CNTN6: variants seen among roughly 807,000 people sequenced by gnomAD.
CNTN6 encodes contactin-6.
Under a neutral mutation model 122.8 loss-of-function variants are expected in CNTN6, and 137 were observed. That is an observed-to-expected ratio of 1.12 (90% CI 0.97 to 1.29). The LOEUF (loss-of-function observed/expected upper bound fraction) is 1.29, where lower values mean the gene tolerates loss of function less well. Ranked by LOEUF, CNTN6 falls within the 50% of genes most tolerant of loss-of-function variation. The probability of loss-of-function intolerance (pLI) is 0.00; values close to 1 mark genes in which losing one functional copy is unlikely to be tolerated. For missense variants in CNTN6, 1,634 were observed against 1,223.4 expected, an observed-to-expected ratio of 1.34 and a Z score of -5.01; for synonymous variants, 570 against 426.0, an observed-to-expected ratio of 1.34 and a Z score of -4.16.
chr3:1,278,475 G>C lies in CNTN6; in HGVS notation c.421G>C (p.Val141Leu). ...TVSVREGQGVVLLCGPPPHFG... is the reference protein window; with the variant it reads ...TVSVREGQGVLLLCGPPPHFG... ...ATCTGTCCGAGAAGGTCAAGGTGTG[G>C]TGCTTCTCTGTGGCCCACCGCCACA... The change falls in exon 5 of 23, where the codon GTG becomes CTG. Residue 141 changes from valine (V) to leucine (L), a missense_variant. Coordinates refer to ENST00000446702, the MANE Select transcript of CNTN6 (RefSeq NM_001289080.2). The C allele has an allele frequency of 2.5e-6, 4 of 1,612,560 alleles. No homozygotes were observed. Among genetic ancestry groups the C allele is most frequent in the Non-Finnish European group, 3.4e-6 (4 of 1,178,906 alleles).
At chr3:1,221,339 A>G (rs201933100) in intron 3 of CNTN6, among the ~76,000 whole-genome samples, 2 of 152,232 alleles carry the variant, frequency 1.3e-5, no homozygotes, top group Non-Finnish European at 2.9e-5. Context: ...CCCTGCCTCA[A>G]TGCGGAACTG....
intron 2 of CNTN6, among the ~76,000 whole-genome samples, chr3:1,149,050 T>G (rs1394826642): frequency 6.6e-6 from 1 of 152,180 alleles, no homozygotes; most frequent in Non-Finnish European, 1.5e-5. Flanking sequence ...AAGTTCAGCT[T>G]TAATAGATGT....
chr3:1,186,193 A>G (rs1017221724), intron 2 of CNTN6, among the ~76,000 whole-genome samples: 18 of 152,342 alleles, frequency 1.2e-4, no homozygotes, highest in African/African-American at 3.6e-4. Flanking sequence ...AAGTCATTTT[A>G]AGAAGTATTC....
chr3:1,399,444 A>G (rs1160004354), intron 20 of CNTN6, among the ~76,000 whole-genome samples: 1 of 151,908 alleles, frequency 6.6e-6, no homozygotes, highest in East Asian at 1.9e-4. Flanking sequence ...AAAGTAATGG[A>G]TGCTTAGTAA....
At position 1,121,832 on chromosome 3, in the gene CNTN6, C is replaced by G. The variant is rs9878575; in HGVS notation, c.-82-26095C>G. 4.6e-3 allele frequency among the ~76,000 whole-genome samples: 693 copies of G among 151,988 alleles called. 5 individuals carry two copies. The highest frequency in any genetic ancestry group is 0.015 in the African/African-American group (638 of 41,502). On this transcript the variant is annotated intron_variant, in intron 1 of 22. Coordinates refer to ENST00000446702, the MANE Select transcript of CNTN6 (RefSeq NM_001289080.2). ...CACACATTTTTGCTTAGAGCTGACT[C>G]CAAACATGAGAAAACACATGTGTAT...
intron 12 of CNTN6, among the ~76,000 whole-genome samples, chr3:1,366,421 C>T (rs980597257): frequency 5.3e-5 from 8 of 152,076 alleles, no homozygotes; most frequent in African/African-American, 1.9e-4. Flanking sequence ...GTAACTGCAG[C>T]TACTCTACTG....
intron 1 of CNTN6, among the ~76,000 whole-genome samples, chr3:1,142,968 G>GTGTGTGTATATATATA (rs1217250181): frequency 3.1e-5 from 4 of 128,652 alleles, no homozygotes; most frequent in African/African-American, 1.2e-4. Context: ...GTGTGTGTGT[G>GTGTGTGTATATATATA]TATATATATA....
chr3:1,294,617 T>A (rs1695891048), intron 5 of CNTN6, among the ~76,000 whole-genome samples: 1 of 152,210 alleles, frequency 6.6e-6, no homozygotes, highest in Non-Finnish European at 1.5e-5. Flanking sequence ...AGAGATGGAC[T>A]GATTGATGTT....
intron 3 of CNTN6, among the ~76,000 whole-genome samples, chr3:1,224,036 A>C (rs1280023321): frequency 6.6e-6 from 1 of 152,228 alleles, no homozygotes; most frequent in Non-Finnish European, 1.5e-5. Flanking sequence ...TTCTTTCCAC[A>C]GGGGTCACAG....
At chr3:1,106,109 A>G (rs1332088237) in intron 1 of CNTN6, among the ~76,000 whole-genome samples, 2 of 152,166 alleles carry the variant, frequency 1.3e-5, no homozygotes, top group Non-Finnish European at 2.9e-5. Context: ...GGAATTTGGT[A>G]TGTTAGGAAA....
chr3:1,181,896 CT>C, intron 2 of CNTN6, among the ~76,000 whole-genome samples: 1 of 152,096 alleles, frequency 6.6e-6, no homozygotes, highest in East Asian at 1.9e-4. Context: ...CACATTGTTT[CT>C]TTCCATACAC....
chr3:1,381,677 G>C (rs1484421708), intron 17 of CNTN6, among the ~76,000 whole-genome samples: 3 of 152,068 alleles, frequency 2.0e-5, no homozygotes, highest in Non-Finnish European at 1.5e-5. Context: ...TTTTCTACCT[G>C]GCTGCCAGCT....
At chr3:1,158,251 T>G (rs2093022112) in intron 2 of CNTN6, among the ~76,000 whole-genome samples, 1 of 152,232 alleles carries the variant, frequency 6.6e-6, no homozygotes, top group African/African-American at 2.4e-5. Context: ...GATATCTCAT[T>G]GTAGTTTTGA....
chr3:1,195,368 T>C (rs112991069), intron 2 of CNTN6, among the ~76,000 whole-genome samples: 10,172 of 152,170 alleles, frequency 0.067, 431 homozygotes, highest in Middle Eastern at 0.11. Context: ...ATTTCTTGGG[T>C]TCATGATACC....
intron 12 of CNTN6, among the ~76,000 whole-genome samples, chr3:1,366,355 A>G (rs1390243879): frequency 6.6e-6 from 1 of 152,146 alleles, no homozygotes; most frequent in East Asian, 1.9e-4. Flanking sequence ...TTCAGGCCCT[A>G]AAGATCTCAC....
chr3:1,255,751 C>T (rs529494237), intron 4 of CNTN6, among the ~76,000 whole-genome samples: 2 of 152,248 alleles, frequency 1.3e-5, no homozygotes, highest in East Asian at 1.9e-4. Flanking sequence ...CAACCTACTG[C>T]AGCTTCAAAC....
intron 1 of CNTN6, among the ~76,000 whole-genome samples, chr3:1,099,736 C>CT (rs2124946097): frequency 6.6e-6 from 1 of 152,208 alleles, no homozygotes; most frequent in South Asian, 2.1e-4. Context: ...TCATCCGCAC[C>CT]TACTATGATG....
intron 2 of CNTN6, among the ~76,000 whole-genome samples, chr3:1,184,886 G>T (rs1003785671): frequency 3.3e-5 from 5 of 151,928 alleles, no homozygotes; most frequent in African/African-American, 9.7e-5. Flanking sequence ...CCAAATTAGG[G>T]AATCATATGA....
rs191488065 is a variant in CNTN6 at position 1,306,808 on chromosome 3, T to C, written c.761+8817T>C. Among the ~76,000 whole-genome samples the C allele has an allele frequency of 7.9e-5, 12 of 152,232 alleles. No homozygotes were observed. The East Asian group carries it at 2.1e-3, about 27-fold the overall frequency. On this transcript the variant is annotated intron_variant, in intron 7 of 22. Transcript: ENST00000446702. ...TTGACTGAGGAGGTAAAAAGGAACA[T>C]GTAAGAAGGAGCGAAGTGGTTTCTG...
Sources: gnomAD v4.1 joint callset for allele counts (sites outside exome capture counted in the v4.1 genomes callset) on GRCh38, gnomAD v4.1.1 for gene constraint, MANE v1.5 for transcripts, NCBI Gene and HGNC (gene_info 2026-07-23, HGNC 2026-07-21) for gene names.